Variants in SPG7 observed in about 807,000 individuals in gnomAD.
SPG7 encodes the protein mitochondrial inner membrane m-AAA protease component paraplegin.
In SPG7, 103 loss-of-function variants were observed where a neutral mutation model predicts 81.9. The ratio of observed to expected loss-of-function variants is 1.26; its 90% confidence interval spans 1.07 to 1.48. SPG7 has a LOEUF of 1.48. Among genes scored for constraint, SPG7 ranks in the 40% most tolerant of loss-of-function variants. SPG7 has a pLI of 0.00. For synonymous variants in SPG7, 534 were observed against 444.2 expected (o/e 1.20, Z -2.54); for missense variants, 1,241 against 1,087.3 (o/e 1.14, Z -1.99).
Position 89,531,975 on chromosome 16 carries a change from T to G in SPG7, c.1059T>G (p.Cys353Trp). ...KGALLLGPPG[C>W]GKTLLAKAVA... The stretch of plus-strand genomic sequence containing the variant: ...CACTGCTGCTCGGCCCCCCCGGCTG[T>G]GGGAAGACGCTGCTGGCCAAGGCGG... Residue 353 changes from cysteine to tryptophan, a missense_variant, in exon 8 of 17, where the codon TGT becomes TGG. Coordinates refer to ENST00000645818, the MANE Select transcript of SPG7 (RefSeq NM_003119.4). 6.2e-7 allele frequency: 1 copy of G among 1,613,902 alleles called. No homozygotes were observed. Among genetic ancestry groups the G allele is most frequent in the Non-Finnish European group, 8.5e-7 (1 of 1,179,840 alleles).
intron 1 of SPG7, among the ~76,000 whole-genome samples, chr16:89,509,601 A>G (rs2057984416): frequency 6.6e-6 from 1 of 151,994 alleles, no homozygotes; most frequent in South Asian, 2.1e-4. Context: ...GAACTCTGAA[A>G]GTATATACTT....
intron 12 of SPG7, chr16:89,548,505 C>G: frequency 3.3e-6 from 1 of 300,850 alleles, no homozygotes; most frequent in Non-Finnish European, 6.4e-6. Flanking sequence ...CGGAGGGCTG[C>G]TGCCGCCCGT....
chr16:89,526,588 TG>T (rs1274214395), intron 5 of SPG7, 120 bp downstream of exon 5: 11 of 1,038,064 alleles, frequency 1.1e-5, no homozygotes, highest in Non-Finnish European at 1.7e-5. Context: ...GACTTTTTAG[TG>T]GGAGGGTTAA....
chr16:89,527,690 T>C (rs2058282910), intron 5 of SPG7, among the ~76,000 whole-genome samples: 1 of 152,164 alleles, frequency 6.6e-6, no homozygotes, highest in African/African-American at 2.4e-5. Context: ...CCCTGACAGG[T>C]TCCTTAGTAG....
intron 12 of SPG7, 32 bp downstream of exon 12, chr16:89,548,145 CCTT>C (rs1567929790): frequency 1.4e-6 from 2 of 1,466,724 alleles, no homozygotes; most frequent in Non-Finnish European, 1.9e-6. Context: ...TGAAGGCCCT[CCTT>C]AGCAGGGCTT....
rs1331527329 is a variant in SPG7, at chr16:89,544,838, G to C, written c.1449+66G>C. The C allele has an allele frequency of 3.1e-6, 5 of 1,590,684 alleles. No individual in the cohort carries two copies. The East Asian group carries it at 1.1e-4, about 36-fold the overall frequency. The stretch of plus-strand genomic sequence containing the variant: ...CGCCCCCACTCGCTCTGAGTGGTCT[G>C]GCCTCTCCTCTAAGACACTTCTTGG... On this transcript the variant is annotated intron_variant, in intron 10 of 16. Transcript: ENST00000645818.
intron 9 of SPG7, chr16:89,544,049 T>G (rs781604556): frequency 5.8e-6 from 1 of 173,850 alleles, no homozygotes; most frequent in Non-Finnish European, 1.3e-5. Flanking sequence ...CACCTGAACG[T>G]TCTTACGAGC....
chr16:89,550,654 G>C, intron 13 of SPG7, 45 bp downstream of exon 13: 1 of 1,380,576 alleles, frequency 7.2e-7, no homozygotes, highest in East Asian at 2.3e-5. Context: ...GGCCAAAGGT[G>C]GGTGGGGAGT....
chr16:89,553,806 A>G lies in SPG7; in HGVS notation c.1949A>G (p.Asp650Gly). The G allele has an allele frequency of 6.2e-7, 1 of 1,613,426 alleles. No individual in the cohort carries two copies. Among genetic ancestry groups the G allele is most frequent in the East Asian group, 2.2e-5 (1 of 44,876 alleles). ...FNEVTSGAQD[D>G]LRKVTRIAYS... ...CCCCGCCCTCCAGGGGCACAGGACG[A>G]CCTGAGGAAGGTCACCCGCATCGCC... The change falls in exon 15 of 17, where the codon GAC (aspartate) becomes GGC (glycine). Residue 650 changes from aspartate to glycine, a missense_variant. Transcript: ENST00000645818.
Position 89,529,419 on chromosome 16 carries a change from C to A in SPG7, c.759-58C>A, listed in dbSNP as rs1411396987. ...GCCAGCAGTGGTTCTGATTTGGAAG[C>A]CTGCGTCTGTCACGTGACACCGTCT... On this transcript the variant is annotated intron_variant, in intron 5 of 16. Transcript: ENST00000645818. The A allele has an allele frequency of 8.8e-6, 10 of 1,138,282 alleles. No homozygotes were observed. In the Admixed American group the frequency reaches 1.7e-4, roughly 20 times the overall value. 70.5% of individuals were successfully genotyped at this position (1,138,282 alleles called of 1,614,324 possible).
In SPG7 at chr16:89,550,212, G is replaced by A. The variant is rs139887165; in HGVS notation, c.1664-282G>A. ...TTTTGAGACGGAGTCTTGCTCTGTC[G>A]CCCAGCCTGGAGTGCAGTGGCATGA... On this transcript the variant is annotated intron_variant, in intron 12 of 16. Transcript: ENST00000645818. The A allele has an allele frequency of 5.1e-4, 199 of 390,446 alleles. 1 individual carries two copies. The highest frequency in any genetic ancestry group is 3.8e-3 in the African/African-American group (183 of 48,016). 24.2% of individuals were successfully genotyped at this position (390,446 alleles called of 1,614,324 possible).
chr16:89,554,520 A>G lies in SPG7; in HGVS notation c.2138A>G (p.His713Arg). The G allele has an allele frequency of 6.2e-7, 1 of 1,609,602 alleles. No homozygotes were observed. Among genetic ancestry groups the G allele is most frequent in the East Asian group, 2.2e-5 (1 of 44,882 alleles). Residue 713 changes from histidine (H) to arginine (R), a missense_variant, in exon 16 of 17, where the codon CAC becomes CGC. Physicochemically the swap from His to Arg is conservative, Grantham distance 29 (BLOSUM62 0). Coordinates refer to ENST00000645818, the MANE Select transcript of SPG7 (RefSeq NM_003119.4). The part of the protein sequence containing the change: ...ARLLVAKAYR[H>R]TEKVLQDNLD... ...CTGCTGGTGGCCAAGGCCTACAGAC[A>G]CACCGAGAAGGTGCTGCAGGACAAC...
chr16:89,510,457 T>C (rs1443750900), intron 1 of SPG7, 33 bp from the exon 2 acceptor site: 5 of 1,346,116 alleles, frequency 3.7e-6, no homozygotes, highest in Non-Finnish European at 3.2e-6. Context: ...AATGTTGGTG[T>C]GACCTCCAGT....
intron 5 of SPG7, among the ~76,000 whole-genome samples, chr16:89,528,011 A>C (rs1347396391): frequency 4.6e-5 from 7 of 152,028 alleles, no homozygotes; most frequent in Admixed American, 4.6e-4. Flanking sequence ...TGTGTGTCTC[A>C]TGTCTTTGTA....
At chr16:89,546,387 G>C in intron 10 of SPG7, 1 of 419,206 alleles carries the variant, frequency 2.4e-6, no homozygotes, top group Non-Finnish European at 4.5e-6. Flanking sequence ...TGTTTAAAAT[G>C]CTGCTTGTGG....
intron 11 of SPG7, chr16:89,547,401 G>C (rs2058577019): frequency 5.6e-6 from 1 of 179,022 alleles, no homozygotes. Context: ...AGGGCGGATG[G>C]AGCCTGGCGG....
chr16:89,555,777 G>T (rs2058681813), intron 16 of SPG7: 2 of 398,114 alleles, frequency 5.0e-6, no homozygotes, highest in African/African-American at 4.1e-5. Context: ...CTGCTGCTTA[G>T]AACTCAGGAG....
Position 89,510,521 on chromosome 16 carries a change from T to A in SPG7, c.215T>A (p.Phe72Tyr). The A allele has an allele frequency of 6.2e-7, 1 of 1,612,154 alleles. No homozygotes were observed. ...SLQLRLLTPT[F>Y]EGINGLLLKQ... is the part of the protein sequence containing the mutation. ...CAATTGAGACTGCTAACCCCTACCT[T>A]TGAAGGGATCAACGGATTGTTGTTG... The change falls in exon 2 of 17, where the codon TTT (phenylalanine) becomes TAT (tyrosine). Residue 72 changes from phenylalanine to tyrosine, a missense_variant. By Grantham distance (22) the Phe-to-Tyr change is conservative. Coordinates refer to ENST00000645818, the MANE Select transcript of SPG7 (RefSeq NM_003119.4).
At chr16:89,516,112 C>T (rs957991549) in intron 3 of SPG7, among the ~76,000 whole-genome samples, 1 of 152,158 alleles carries the variant, frequency 6.6e-6, no homozygotes, top group South Asian at 2.1e-4. Context: ...CTCAACCTCA[C>T]GAATAGCTGG....
Sources: gnomAD v4.1 joint callset for allele counts (sites outside exome capture counted in the v4.1 genomes callset) on GRCh38, gnomAD v4.1.1 for gene constraint, MANE v1.5 for transcripts, NCBI Gene and HGNC (gene_info 2026-07-23, HGNC 2026-07-21) for gene names.